The following MAGI2 variants were observed in gnomAD, a reference collection of about 807,000 sequenced individuals.
MAGI2 encodes membrane-associated guanylate kinase, WW and PDZ domain-containing protein 2.
In MAGI2, 35 loss-of-function variants were observed where a neutral mutation model predicts 133.3. The ratio of observed to expected loss-of-function variants is 0.26; its 90% confidence interval spans 0.20 to 0.35. The LOEUF (loss-of-function observed/expected upper bound fraction) is 0.35, where lower values mean the gene tolerates loss of function less well. Among genes scored for constraint, MAGI2 ranks in the 10% least tolerant of loss-of-function variants. The probability of loss-of-function intolerance (pLI) is 1.00; values close to 1 mark genes in which losing one functional copy is unlikely to be tolerated. For synonymous variants in MAGI2, 729 were observed against 710.6 expected (o/e 1.03, Z -0.41); for missense variants, 1,636 against 1,863.4 (o/e 0.88, Z 2.25).
At chr7:79,060,061 C>A (rs562387998) in intron 1 of MAGI2, among the ~76,000 whole-genome samples, 5 of 152,142 alleles carry the variant, frequency 3.3e-5, no homozygotes, top group African/African-American at 1.2e-4. Context: ...AGAACATGAT[C>A]AGCTAAGGAG....
At chr7:78,321,276 T>C (rs1336616124) in intron 9 of MAGI2, among the ~76,000 whole-genome samples, 1 of 152,048 alleles carries the variant, frequency 6.6e-6, no homozygotes, top group Non-Finnish European at 1.5e-5. Flanking sequence ...TTACTTTAAA[T>C]TTCATATGGA....
intron 7 of MAGI2, among the ~76,000 whole-genome samples, chr7:78,368,637 T>C (rs904221490): frequency 2.6e-5 from 4 of 152,082 alleles, no homozygotes; most frequent in Non-Finnish European, 5.9e-5. Flanking sequence ...GGATAATTCA[T>C]ACCATGACAA....
At chr7:79,357,526 T>C (rs848949) in intron 1 of MAGI2, among the ~76,000 whole-genome samples, 76,063 of 152,062 alleles carry the variant, frequency 0.5, 20,466 homozygotes, top group African/African-American at 0.7. Flanking sequence ...TTATTTTTAA[T>C]TTTAGATACA....
rs1554473311 is a variant in MAGI2 at position 78,557,097 on chromosome 7, A to AAAAAG, written c.539-35453_539-35452insCTTTT. ...CAGAGTCTCAAAAAAAAAAAAAAAA[A>AAAAAG]AAAGAAAAAGAAAAAAAAAGAATTT... On this transcript the variant is annotated intron_variant, in intron 3 of 21. Coordinates refer to ENST00000354212, the MANE Select transcript of MAGI2 (RefSeq NM_012301.4). 8.6e-5 allele frequency among the ~76,000 whole-genome samples: 12 copies of AAAAAG among 139,004 alleles called. No homozygotes were observed. The South Asian group carries it at 9.0e-4, about 10-fold the overall frequency. The allele number at this position is 139,004 out of a possible 152,430, so 91.2% of individuals were successfully genotyped here.
intron 3 of MAGI2, among the ~76,000 whole-genome samples, chr7:78,530,998 G>C (rs1797420198): frequency 1.3e-5 from 2 of 152,098 alleles, no homozygotes; most frequent in South Asian, 4.1e-4. Flanking sequence ...AATCACAGTG[G>C]AGGTGTTATC....
intron 9 of MAGI2, among the ~76,000 whole-genome samples, chr7:78,317,554 G>C (rs1357010186): frequency 6.6e-6 from 1 of 152,218 alleles, no homozygotes; most frequent in East Asian, 1.9e-4. Context: ...CGCGGCTGTG[G>C]GCGCAGCTTC....
chr7:78,361,806 G>A (rs1792841643), intron 7 of MAGI2, among the ~76,000 whole-genome samples: 2 of 152,146 alleles, frequency 1.3e-5, no homozygotes, highest in African/African-American at 4.8e-5. Context: ...GTTTAAGGGT[G>A]GCGGAGTATG....
intron 1 of MAGI2, among the ~76,000 whole-genome samples, chr7:79,202,954 C>T (rs774675981): frequency 3.3e-5 from 5 of 152,004 alleles, no homozygotes; most frequent in Non-Finnish European, 5.9e-5. Context: ...TTCTAATAGA[C>T]ATGTAAGGCT....
At chr7:78,604,360 A>G (rs1172656543) in intron 3 of MAGI2, among the ~76,000 whole-genome samples, 3 of 152,232 alleles carry the variant, frequency 2.0e-5, no homozygotes, top group South Asian at 2.1e-4. Flanking sequence ...AATAGATAAA[A>G]CTAGAATAGA....
rs1388891589 is a variant in MAGI2 at position 78,827,192 on chromosome 7, A to G, written c.418+179898T>C. Among the ~76,000 whole-genome samples the G allele has an allele frequency of 2.0e-5, 3 of 152,348 alleles. No individual in the cohort carries two copies. In the East Asian group the frequency reaches 5.8e-4, roughly 29 times the overall value. On this transcript the variant is annotated intron_variant, in intron 2 of 21. Transcript: ENST00000354212. ...TAGAAACAATACTCTATTAGCAAGAAGCCTACCTAGGGCACAAATATTGGG... is the reference window on the plus strand; with the variant it reads ...TAGAAACAATACTCTATTAGCAAGAGGCCTACCTAGGGCACAAATATTGGG...
intron 2 of MAGI2, among the ~76,000 whole-genome samples, chr7:79,002,410 C>A (rs1046105377): frequency 2.0e-5 from 3 of 151,974 alleles, no homozygotes; most frequent in African/African-American, 7.3e-5. Context: ...TAGGAACTTA[C>A]TGTGGAAATA....
intron 10 of MAGI2, among the ~76,000 whole-genome samples, chr7:78,227,701 T>C (rs1464601051): frequency 6.6e-6 from 1 of 152,198 alleles, no homozygotes. Context: ...TTCACAGGCA[T>C]GAGTGAAATA....
At chr7:79,294,906 C>T (rs141429045) in intron 1 of MAGI2, among the ~76,000 whole-genome samples, 3 of 140,406 alleles carry the variant, frequency 2.1e-5, no homozygotes, top group African/African-American at 7.7e-5. Flanking sequence ...AATTTTTGTA[C>T]TTTTTTTTTT....
chr7:78,305,342 T>C (rs1459826596), intron 9 of MAGI2, among the ~76,000 whole-genome samples: 1 of 152,222 alleles, frequency 6.6e-6, no homozygotes, highest in Non-Finnish European at 1.5e-5. Flanking sequence ...GAGATAACTC[T>C]GTACTGTCGT....
intron 2 of MAGI2, among the ~76,000 whole-genome samples, chr7:78,728,800 C>T (rs1389982495): frequency 8.0e-6 from 1 of 125,010 alleles, no homozygotes; most frequent in Non-Finnish European, 1.8e-5. Context: ...CTCCTGACCT[C>T]GTGATCCGCC....
intron 6 of MAGI2, among the ~76,000 whole-genome samples, chr7:78,372,759 C>A (rs768691232): frequency 6.6e-6 from 1 of 152,150 alleles, no homozygotes; most frequent in Admixed American, 6.5e-5. Flanking sequence ...ACGCACCTAG[C>A]TTTGCCTGGA....
At chr7:79,193,272 C>T (rs376126336) in intron 1 of MAGI2, among the ~76,000 whole-genome samples, 10 of 152,012 alleles carry the variant, frequency 6.6e-5, no homozygotes, top group Non-Finnish European at 1.0e-4. Context: ...ATCGCTTATG[C>T]GGACAATGTT....
chr7:79,389,375 A>T lies in MAGI2; in HGVS notation c.301+63645T>A, dbSNP rs568589334. Among the ~76,000 whole-genome samples the T allele has an allele frequency of 2.3e-4, 35 of 152,240 alleles. No individual in the cohort carries two copies. The South Asian group carries it at 3.3e-3, about 14-fold the overall frequency. Reference sequence around the variant, plus strand: ...TAGGAAATAAAATTAAATTTCTGAGATGTTAACTAAAAATAAAATATACTT... The same window carrying T: ...TAGGAAATAAAATTAAATTTCTGAGTTGTTAACTAAAAATAAAATATACTT... On this transcript the variant is annotated intron_variant, in intron 1 of 21. Transcript: ENST00000354212.
intron 2 of MAGI2, among the ~76,000 whole-genome samples, chr7:78,714,390 CT>C (rs1250270175): frequency 6.6e-6 from 1 of 152,184 alleles, no homozygotes; most frequent in African/African-American, 2.4e-5. Context: ...TCCAGTTCAT[CT>C]AAGCTACTCG....
Sources: gnomAD v4.1 joint callset for allele counts (sites outside exome capture counted in the v4.1 genomes callset) on GRCh38, gnomAD v4.1.1 for gene constraint, MANE v1.5 for transcripts, NCBI Gene and HGNC (gene_info 2026-07-23, HGNC 2026-07-21) for gene names.